SEL1L2: variants seen among roughly 807,000 people sequenced by gnomAD.
SEL1L2 encodes the protein protein sel-1 homolog 2.
A neutral mutation model predicts 98.8 loss-of-function variants in SEL1L2; 89 were observed. The ratio of observed to expected loss-of-function variants is 0.90; its 90% CI spans 0.76 to 1.07. The LOEUF is 1.07. Ranked by LOEUF, SEL1L2 falls within the 50% of genes least tolerant of loss-of-function variation. The pLI, the probability that SEL1L2 is intolerant of heterozygous loss-of-function variation, is 0.00. For synonymous variants in SEL1L2, 262 were observed against 278.5 expected (o/e 0.94, Z 0.59); for missense variants, 788 against 812.0 (o/e 0.97, Z 0.36).
chr20:13,983,344 A>C (rs1047907517), intron 1 of SEL1L2, among the ~76,000 whole-genome samples: 20 of 152,070 alleles, frequency 1.3e-4, no homozygotes, highest in Non-Finnish European at 2.4e-4. Flanking sequence ...AAAATGAATA[A>C]AAAGGCAACA....
At chr20:13,983,624 C>T (rs533601510) in intron 1 of SEL1L2, among the ~76,000 whole-genome samples, 24 of 152,018 alleles carry the variant, frequency 1.6e-4, no homozygotes, top group African/African-American at 5.3e-4. Flanking sequence ...CAAGTTCAAG[C>T]GATTCTCCCG....
rs905186943 is a variant in SEL1L2 at position 13,974,966 on chromosome 20, A to G, written c.58+15511T>C. ...TGTTTTTTTCTCCCTAAATCTCTCA[A>G]TCATGGAAGCTGCAGGGTGTAAATC... On this transcript the variant is annotated intron_variant, in intron 1 of 19. Transcript: ENST00000284951. 7.9e-5 allele frequency among the ~76,000 whole-genome samples: 12 copies of G among 152,152 alleles called. 1 individual carries two copies. Among genetic ancestry groups the G allele is most frequent in the African/African-American group, 2.9e-4 (12 of 41,514 alleles).
At chr20:13,979,062 A>AAGAAAAAAG (rs2051685158) in intron 1 of SEL1L2, among the ~76,000 whole-genome samples, 2 of 152,226 alleles carry the variant, frequency 1.3e-5, no homozygotes, top group South Asian at 4.1e-4. Flanking sequence ...TCGTCTCAAA[A>AAGAAAAAAG]AGAAAAAAGA....
intron 1 of SEL1L2, among the ~76,000 whole-genome samples, chr20:13,978,948 C>T (rs928816959): frequency 1.5e-4 from 23 of 152,124 alleles, no homozygotes; most frequent in African/African-American, 5.5e-4. Flanking sequence ...AATTTCCGGT[C>T]ACTTGGGAGG....
intron 1 of SEL1L2, among the ~76,000 whole-genome samples, chr20:13,978,299 A>G (rs1398745049): frequency 2.0e-5 from 3 of 152,218 alleles, no homozygotes; most frequent in African/African-American, 7.2e-5. Flanking sequence ...ATGTATATCC[A>G]CTGCAGAAGA....
intron 2 of SEL1L2, among the ~76,000 whole-genome samples, chr20:13,948,958 G>A (rs2148410288): frequency 6.6e-6 from 1 of 152,244 alleles, no homozygotes; most frequent in East Asian, 1.9e-4. Flanking sequence ...CAATTTCTAT[G>A]TTTATCCAAA....
In SEL1L2 at chr20:13,983,023, C is replaced by CAAAAAAAAAAAAAAAAAAAAAAA; in HGVS notation, c.58+7431_58+7453dup. 8.2e-3 allele frequency among the ~76,000 whole-genome samples: 127 copies of CAAAAAAAAAAAAAAAAAAAAAAA among 15,556 alleles called. 43 individuals are homozygous for CAAAAAAAAAAAAAAAAAAAAAAA. The highest frequency in any genetic ancestry group is 0.011 in the Non-Finnish European group (76 of 6,946). The allele number at this position is 15,556 out of a possible 152,430, so 10.2% of individuals were successfully genotyped here. On this transcript the variant is annotated intron_variant, in intron 1 of 19. Coordinates refer to ENST00000284951, the MANE Select transcript of SEL1L2 (RefSeq NM_025229.2). ...TGGGCAACAGAGCAAGACTCCATCT[C>CAAAAAAAAAAAAAAAAAAAAAAA]AAAAAAAAAAAAAAAAAAAAAAAAA...
intron 11 of SEL1L2, 79 bp downstream of exon 11, chr20:13,877,441 C>T: frequency 1.8e-6 from 2 of 1,123,892 alleles, no homozygotes; most frequent in Non-Finnish European, 2.6e-6. Context: ...GCTGGGACAA[C>T]AGGCACACGC....
At chr20:13,903,704 C>T (rs1185653303) in intron 5 of SEL1L2, among the ~76,000 whole-genome samples, 6 of 152,012 alleles carry the variant, frequency 3.9e-5, no homozygotes, top group Non-Finnish European at 5.9e-5. Context: ...CCAGCTACTA[C>T]TGAGGCTGAG....
intron 2 of SEL1L2, among the ~76,000 whole-genome samples, chr20:13,946,495 T>G (rs1434444078): frequency 6.6e-6 from 1 of 152,104 alleles, no homozygotes; most frequent in Non-Finnish European, 1.5e-5. Context: ...AAGAAGACAC[T>G]AACAAATGGA....
chr20:13,948,213 T>A (rs769165174), intron 2 of SEL1L2, among the ~76,000 whole-genome samples: 1 of 151,722 alleles, frequency 6.6e-6, no homozygotes, highest in African/African-American at 2.4e-5. Flanking sequence ...TTTAATGCAA[T>A]CCCTATAAAA....
At chr20:13,958,611 C>G (rs548775500) in intron 1 of SEL1L2, among the ~76,000 whole-genome samples, 1 of 152,072 alleles carries the variant, frequency 6.6e-6, no homozygotes, top group Non-Finnish European at 1.5e-5. Context: ...GAACTGCTAA[C>G]GAACGCACAG....
chr20:13,884,828 C>T (rs1409480606), intron 10 of SEL1L2, among the ~76,000 whole-genome samples: 4 of 152,074 alleles, frequency 2.6e-5, no homozygotes, highest in Non-Finnish European at 4.4e-5. Flanking sequence ...CTTTTAACCT[C>T]ACTGGGATAA....
chr20:13,898,331 A>G (rs981983307), intron 5 of SEL1L2, among the ~76,000 whole-genome samples: 6 of 152,152 alleles, frequency 3.9e-5, no homozygotes, highest in African/African-American at 1.4e-4. Flanking sequence ...AAACCAAGGA[A>G]ACTTCAGACT....
intron 3 of SEL1L2, among the ~76,000 whole-genome samples, chr20:13,925,774 C>T (rs1311527684): frequency 6.6e-6 from 1 of 152,336 alleles, no homozygotes; most frequent in African/African-American, 2.4e-5. Flanking sequence ...CCTTTAAAAA[C>T]ATTTAAAGTT....
At position 13,876,036 on chromosome 20, in the gene SEL1L2, A is replaced by G; in HGVS notation, c.1104+2T>C. On this transcript the variant is annotated splice_donor_variant, in intron 12 of 19. Transcript: ENST00000284951. LOFTEE classifies it high-confidence loss of function. Reference sequence around the variant, plus strand: ...GTTTACAACAGTGCATTGAGGACATACCTTACTGGCTGCCATGGAAAAGTA... The same window carrying G: ...GTTTACAACAGTGCATTGAGGACATGCCTTACTGGCTGCCATGGAAAAGTA... The G allele has an allele frequency of 1.2e-6, 2 of 1,611,920 alleles. No homozygotes were observed. Among genetic ancestry groups the G allele is most frequent in the Non-Finnish European group, 1.7e-6 (2 of 1,177,900 alleles).
intron 10 of SEL1L2, among the ~76,000 whole-genome samples, chr20:13,878,127 T>C (rs6131532): frequency 0.024 from 3,598 of 152,236 alleles, 104 homozygotes; most frequent in East Asian, 0.093. Context: ...CAGTAAAGCC[T>C]CTGATTTTGT....
chr20:13,869,904 A>G (rs1385431509), intron 13 of SEL1L2, among the ~76,000 whole-genome samples: 3 of 152,154 alleles, frequency 2.0e-5, no homozygotes, highest in Non-Finnish European at 2.9e-5. Context: ...GATGATTTCT[A>G]AGGTTACTTA....
rs182743247 is a variant in SEL1L2 at position 13,966,640 on chromosome 20, A to T, written c.59-10509T>A. ...TGGCCACCAAATGATGCTTAGAAAT[A>T]GTCATTTCATATTTTCTTATTTAAC... On this transcript the variant is annotated intron_variant, in intron 1 of 19. Transcript: ENST00000284951. Among the ~76,000 whole-genome samples, 102 of 152,204 alleles carry T rather than the reference A, an allele frequency of 6.7e-4. 1 individual carries two copies. The highest frequency in any genetic ancestry group is 2.3e-3 in the African/African-American group (94 of 41,546).
Sources: allele counts gnomAD v4.1 joint callset (sites outside exome capture counted in the v4.1 genomes callset), GRCh38; gene constraint gnomAD v4.1.1; transcripts MANE v1.5; gene names NCBI Gene and HGNC (gene_info 2026-07-23, HGNC 2026-07-21).